The following BABAM2 variants were observed in gnomAD, a reference collection of about 807,000 sequenced individuals.
BABAM2 encodes the protein BRISC and BRCA1 A complex member 2.
A neutral mutation model predicts 54.7 loss-of-function variants in BABAM2; 31 were observed. That is an observed-to-expected ratio of 0.57 (90% confidence interval 0.43 to 0.77). BABAM2 has a LOEUF of 0.77. BABAM2 is among the 30% of genes least tolerant of loss of function. BABAM2 has a pLI of 0.00. For synonymous variants in BABAM2, 167 were observed against 162.9 expected, an observed-to-expected ratio of 1.03 and a Z score of -0.19; for missense variants, 364 against 455.8, an observed-to-expected ratio of 0.80 and a Z score of 1.83.
At chr2:28,103,859 C>G (rs1017485264) in intron 6 of BABAM2, among the ~76,000 whole-genome samples, 1 of 152,310 alleles carries the variant, frequency 6.6e-6, no homozygotes, top group South Asian at 2.1e-4. Context: ...CCTAGGTTGG[C>G]CTTTGGCTTT....
intron 7 of BABAM2, among the ~76,000 whole-genome samples, chr2:28,220,279 G>A (rs1680280905): frequency 6.6e-6 from 1 of 152,102 alleles, no homozygotes; most frequent in Non-Finnish European, 1.5e-5. Context: ...AACCTCCCAA[G>A]CCTTACTGCT....
chr2:28,204,286 A>T (rs765164686), intron 7 of BABAM2, among the ~76,000 whole-genome samples: 40 of 152,166 alleles, frequency 2.6e-4, no homozygotes, highest in Non-Finnish European at 5.1e-4. Context: ...TCTAGAGAAA[A>T]ATGTAATTTT....
intron 10 of BABAM2, among the ~76,000 whole-genome samples, chr2:28,268,812 G>A (rs1007222590): frequency 5.3e-5 from 8 of 152,076 alleles, no homozygotes; most frequent in African/African-American, 1.9e-4. Flanking sequence ...CCAAAAGTTC[G>A]TTACACTCAT....
At chr2:27,923,172 T>C (rs1312601227) in intron 2 of BABAM2, among the ~76,000 whole-genome samples, 1 of 152,206 alleles carries the variant, frequency 6.6e-6, no homozygotes, top group Non-Finnish European at 1.5e-5. Flanking sequence ...ATAAAGACTT[T>C]CATATGCCTT....
intron 7 of BABAM2, among the ~76,000 whole-genome samples, chr2:28,191,491 A>G (rs1410768308): frequency 6.6e-6 from 1 of 152,230 alleles, no homozygotes; most frequent in Non-Finnish European, 1.5e-5. Context: ...AAACAACCCA[A>G]ATGTCCATCA....
At position 27,956,200 on chromosome 2, in the gene BABAM2, T is replaced by C. The variant is rs147015233; in HGVS notation, c.205+26292T>C. On this transcript the variant is annotated intron_variant, in intron 3 of 11. Coordinates refer to ENST00000379624, the MANE Select transcript of BABAM2 (RefSeq NM_199191.3). The stretch of plus-strand genomic sequence containing the variant: ...TTAAACAAGATTATTAATGTAGCTC[T>C]TGGTTTCTTTTATGTTCTGGTTCCT... Among the ~76,000 whole-genome samples, 108 of 152,306 alleles carry C rather than the reference T, an allele frequency of 7.1e-4. 1 individual carries two copies. The South Asian group carries it at 0.017, about 24-fold the overall frequency.
intron 2 of BABAM2, among the ~76,000 whole-genome samples, chr2:27,919,248 A>T (rs1204611351): frequency 6.6e-6 from 1 of 152,206 alleles, no homozygotes; most frequent in Non-Finnish European, 1.5e-5. Context: ...TATTCATTCC[A>T]ATAGTGCATA....
intron 6 of BABAM2, among the ~76,000 whole-genome samples, chr2:28,072,275 C>G (rs1272757018): frequency 6.6e-6 from 1 of 152,052 alleles, no homozygotes; most frequent in Non-Finnish European, 1.5e-5. Flanking sequence ...CGGATTCAAG[C>G]AGTTCTCCTG....
intron 3 of BABAM2, among the ~76,000 whole-genome samples, chr2:27,937,032 T>G (rs758285783): frequency 6.6e-6 from 1 of 152,194 alleles, no homozygotes; most frequent in Non-Finnish European, 1.5e-5. Context: ...CTTAATAGAC[T>G]ATAGTATAGT....
rs764683465 is a variant in BABAM2 at position 28,241,420 on chromosome 2, T to C, written c.851+27T>C. 11 of 1,602,902 alleles carry C rather than the reference T, an allele frequency of 6.9e-6. No individual in the cohort carries two copies. In the Admixed American group the frequency reaches 1.3e-4, roughly 19 times the overall value. On this transcript the variant is annotated intron_variant, in intron 9 of 11. Transcript: ENST00000379624. Reference sequence around the variant, plus strand: ...TAAGTTCTGCCCTGTTTGAACGATATACCGGTGATGCCCTCGCTTGCTGAT... The same window carrying C: ...TAAGTTCTGCCCTGTTTGAACGATACACCGGTGATGCCCTCGCTTGCTGAT...
At chr2:28,195,778 A>G (rs1218790817) in intron 7 of BABAM2, among the ~76,000 whole-genome samples, 1 of 152,250 alleles carries the variant, frequency 6.6e-6, no homozygotes, top group Non-Finnish European at 1.5e-5. Flanking sequence ...CAAGTTGGAC[A>G]TAGCACAATT....
chr2:28,210,620 G>GT (rs1679358987), intron 7 of BABAM2, among the ~76,000 whole-genome samples: 1 of 152,158 alleles, frequency 6.6e-6, no homozygotes. Context: ...ATCATTTTCT[G>GT]TTTTTCCCCT....
rs70956008 is a variant in BABAM2 at position 28,258,615 on chromosome 2, C to CTTTTTTTTTTTTTTTTTTTTTTTT, written c.934+13769_934+13770insTTTTTTTTTTTTTTTTTTTTTTTT. Among the ~76,000 whole-genome samples, 21 of 100,004 alleles carry CTTTTTTTTTTTTTTTTTTTTTTTT rather than the reference C, an allele frequency of 2.1e-4. 1 individual carries two copies. Among genetic ancestry groups the CTTTTTTTTTTTTTTTTTTTTTTTT allele is most frequent in the East Asian group, 3.0e-4 (1 of 3,326 alleles). 65.6% of individuals were successfully genotyped at this position (100,004 alleles called of 152,430 possible). ...CTTAAGTCTTTTTCTTTTTTCTTTT[C>CTTTTTTTTTTTTTTTTTTTTTTTT]TTTTTTTTTTTTTTTTGAGACAGGA... On this transcript the variant is annotated intron_variant, in intron 10 of 11. Transcript: ENST00000379624.
chr2:28,058,689 A>T (rs1221058376), intron 6 of BABAM2, among the ~76,000 whole-genome samples: 3 of 152,108 alleles, frequency 2.0e-5, no homozygotes, highest in Non-Finnish European at 4.4e-5. Flanking sequence ...GTGCTACCCA[A>T]AGTGCATCAG....
intron 2 of BABAM2, among the ~76,000 whole-genome samples, chr2:27,897,825 T>C (rs945074128): frequency 1.6e-4 from 24 of 152,214 alleles, no homozygotes; most frequent in African/African-American, 5.3e-4. Context: ...AGATAAAGAT[T>C]GGAGCCTCCT....
chr2:28,182,427 A>G (rs1675748210), intron 7 of BABAM2, among the ~76,000 whole-genome samples: 1 of 152,150 alleles, frequency 6.6e-6, no homozygotes, highest in Non-Finnish European at 1.5e-5. Flanking sequence ...TATCACACAC[A>G]CAATCATAGC....
chr2:28,108,562 A>G (rs1667726991), intron 6 of BABAM2, among the ~76,000 whole-genome samples: 1 of 152,246 alleles, frequency 6.6e-6, no homozygotes. Context: ...AAATCTGTTC[A>G]TCAGCACTTC....
At chr2:27,906,621 G>C (rs1297023481) in intron 2 of BABAM2, among the ~76,000 whole-genome samples, 1 of 152,168 alleles carries the variant, frequency 6.6e-6, no homozygotes. Flanking sequence ...ATTGGGGTCT[G>C]AGATTTTAGG....
At chr2:28,206,441 G>C (rs1039175617) in intron 7 of BABAM2, among the ~76,000 whole-genome samples, 3 of 152,078 alleles carry the variant, frequency 2.0e-5, no homozygotes, top group African/African-American at 7.2e-5. Context: ...ATATTAGAGT[G>C]ATCAGGAATG....
Sources: allele counts gnomAD v4.1 joint callset (sites outside exome capture counted in the v4.1 genomes callset), GRCh38; gene constraint gnomAD v4.1.1; transcripts MANE v1.5; gene names NCBI Gene and HGNC (gene_info 2026-07-23, HGNC 2026-07-21).